CCDC192: variants seen among roughly 807,000 people sequenced by gnomAD.
CCDC192 encodes the protein coiled-coil domain containing 192.
At chr5:127,916,018 T>C (rs1753511052) in intron 6 of CCDC192, among the ~76,000 whole-genome samples, 1 of 152,216 alleles carries the variant, frequency 6.6e-6, no homozygotes, top group African/African-American at 2.4e-5. Flanking sequence ...TTACTCACAG[T>C]AGAAACTTTT....
chr5:127,867,694 T>C (rs1471422639), intron 5 of CCDC192, among the ~76,000 whole-genome samples: 1 of 152,228 alleles, frequency 6.6e-6, no homozygotes, highest in African/African-American at 2.4e-5. Context: ...CAAGGAGATC[T>C]TGCTTTACCA....
intron 6 of CCDC192, among the ~76,000 whole-genome samples, chr5:127,930,244 A>G (rs1753986519): frequency 6.7e-6 from 1 of 148,860 alleles, no homozygotes; most frequent in Non-Finnish European, 1.5e-5. Context: ...AAACTAAACT[A>G]AACTAAACTA....
At chr5:127,869,699 A>C (rs1036575058) in intron 5 of CCDC192, among the ~76,000 whole-genome samples, 1 of 152,196 alleles carries the variant, frequency 6.6e-6, no homozygotes, top group Non-Finnish European at 1.5e-5. Context: ...GAGGGAAAAA[A>C]CTGAGACTTT....
At chr5:127,718,914 A>C (rs1554068037) in intron 2 of CCDC192, among the ~76,000 whole-genome samples, 9 of 152,054 alleles carry the variant, frequency 5.9e-5, no homozygotes, top group Non-Finnish European at 4.4e-5. Context: ...ATCCAATTAT[A>C]CTCTTTTAGT....
intron 6 of CCDC192, among the ~76,000 whole-genome samples, chr5:127,921,664 G>T (rs1230501513): frequency 6.6e-6 from 1 of 152,086 alleles, no homozygotes; most frequent in African/African-American, 2.4e-5. Context: ...TAAATGAAGA[G>T]ACTGACACAC....
At chr5:127,720,796 A>T (rs959593501) in intron 2 of CCDC192, among the ~76,000 whole-genome samples, 9 of 152,200 alleles carry the variant, frequency 5.9e-5, no homozygotes, top group African/African-American at 2.2e-4. Context: ...GAAGCCTCCA[A>T]GGCTTACAAC....
chr5:127,753,019 C>T (rs1386010019), intron 2 of CCDC192, among the ~76,000 whole-genome samples: 1 of 152,198 alleles, frequency 6.6e-6, no homozygotes, highest in African/African-American at 2.4e-5. Flanking sequence ...GTCTGGCACT[C>T]CCTAGTGAGA....
At chr5:127,926,012 G>A (rs1410619602) in intron 6 of CCDC192, among the ~76,000 whole-genome samples, 3 of 151,838 alleles carry the variant, frequency 2.0e-5, no homozygotes, top group African/African-American at 7.2e-5. Flanking sequence ...GTTCAGCCAC[G>A]TGGTGGAAGA....
intron 5 of CCDC192, among the ~76,000 whole-genome samples, chr5:127,872,803 A>T (rs868399442): frequency 6.6e-5 from 10 of 152,324 alleles, no homozygotes; most frequent in Middle Eastern, 3.4e-3. Flanking sequence ...AGGTAACTAA[A>T]GTCAACTGCA....
intron 3 of CCDC192, among the ~76,000 whole-genome samples, chr5:127,769,923 A>G (rs911762194): frequency 6.6e-6 from 1 of 152,094 alleles, no homozygotes; most frequent in African/African-American, 2.4e-5. Context: ...AGTGAGAGAA[A>G]GATATAGAGA....
chr5:127,831,497 C>T (rs1749795330), intron 5 of CCDC192, among the ~76,000 whole-genome samples: 1 of 151,878 alleles, frequency 6.6e-6, no homozygotes, highest in South Asian at 2.1e-4. Context: ...TTCTTCCCAA[C>T]AAAATTCAAT....
chr5:127,736,387 T>C (rs2126827953), intron 2 of CCDC192, among the ~76,000 whole-genome samples: 1 of 150,952 alleles, frequency 6.6e-6, no homozygotes, highest in East Asian at 1.9e-4. Context: ...GGTCTAAAAT[T>C]CTCTTTTTTT....
intron 2 of CCDC192, among the ~76,000 whole-genome samples, chr5:127,715,480 T>G (rs1003944446): frequency 5.7e-4 from 87 of 152,346 alleles, no homozygotes; most frequent in African/African-American, 1.9e-3. Flanking sequence ...CTGTTTTGTT[T>G]ACCATTGCTT....
chr5:127,882,539 C>A (rs186340859), intron 6 of CCDC192, among the ~76,000 whole-genome samples: 3 of 152,070 alleles, frequency 2.0e-5, no homozygotes, highest in African/African-American at 4.8e-5. Context: ...AATAGTTGCA[C>A]GGTATTTTTA....
chr5:127,810,573 C>CT (rs1758026826), intron 5 of CCDC192, among the ~76,000 whole-genome samples: 1 of 152,124 alleles, frequency 6.6e-6, no homozygotes, highest in Non-Finnish European at 1.5e-5. Context: ...CAAAAGTTGG[C>CT]TGTAGTCTTT....
chr5:127,780,347 C>A (rs867902505), intron 3 of CCDC192, among the ~76,000 whole-genome samples: 1 of 152,092 alleles, frequency 6.6e-6, no homozygotes, highest in African/African-American at 2.4e-5. Context: ...GTTTCTGGAT[C>A]AAATGGTAGA....
chr5:127,748,640 T>C (rs956212927), intron 2 of CCDC192, among the ~76,000 whole-genome samples: 5 of 143,332 alleles, frequency 3.5e-5, no homozygotes, highest in Admixed American at 1.4e-4. Flanking sequence ...TCCAATTCTG[T>C]GAAGAAAGGC....
chr5:127,768,708 C>CA (rs1198211864), intron 3 of CCDC192, among the ~76,000 whole-genome samples: 1 of 152,098 alleles, frequency 6.6e-6, no homozygotes, highest in East Asian at 1.9e-4. Flanking sequence ...CTATTAAAGC[C>CA]AAAACGTATT....
chr5:127,763,611 A>G (rs369336290), intron 3 of CCDC192, among the ~76,000 whole-genome samples: 8 of 152,250 alleles, frequency 5.3e-5, no homozygotes, highest in African/African-American at 1.7e-4. Flanking sequence ...GTCCTCTAAC[A>G]GATCTTACAA....
Sources: gnomAD v4.1 joint callset for allele counts (sites outside exome capture counted in the v4.1 genomes callset) on GRCh38, gnomAD v4.1.1 for gene constraint, MANE v1.5 for transcripts, NCBI Gene and HGNC (gene_info 2026-07-23, HGNC 2026-07-21) for gene names.